The following CAP2 variants were observed in gnomAD, a reference collection of about 807,000 sequenced individuals.
The protein encoded by CAP2 is adenylyl cyclase-associated protein 2.
A neutral mutation model predicts 57.7 loss-of-function variants in CAP2; 24 were observed. The ratio of observed to expected loss-of-function variants is 0.42; its 90% CI spans 0.30 to 0.58. The LOEUF (loss-of-function observed/expected upper bound fraction) is 0.58, where lower values mean the gene tolerates loss of function less well. CAP2 is among the 20% of genes least tolerant of loss of function. CAP2 has a pLI of 0.22. For synonymous variants in CAP2, 194 were observed against 207.2 expected, an observed-to-expected ratio of 0.94 and a Z score of 0.55; for missense variants, 501 against 590.3, an observed-to-expected ratio of 0.85 and a Z score of 1.57.
At chr6:17,522,773 G>C (rs1355711381) in intron 7 of CAP2, among the ~76,000 whole-genome samples, 1 of 152,196 alleles carries the variant, frequency 6.6e-6, no homozygotes, top group Non-Finnish European at 1.5e-5. Flanking sequence ...GTTTGAAGTT[G>C]TTTCCTTTGC....
chr6:17,487,381 C>T (rs1370596492), intron 4 of CAP2, among the ~76,000 whole-genome samples: 1 of 152,058 alleles, frequency 6.6e-6, no homozygotes, highest in Non-Finnish European at 1.5e-5. Context: ...TGCATTAAAT[C>T]CTCTCAGAGC....
At chr6:17,519,241 C>T (rs1013171405) in intron 7 of CAP2, among the ~76,000 whole-genome samples, 2 of 152,002 alleles carry the variant, frequency 1.3e-5, no homozygotes, top group East Asian at 1.9e-4. Flanking sequence ...GCCTCCAGAC[C>T]GCAGCTGTGT....
At chr6:17,485,633 G>A (rs2113628248) in intron 4 of CAP2, among the ~76,000 whole-genome samples, 1 of 152,324 alleles carries the variant, frequency 6.6e-6, no homozygotes, top group Non-Finnish European at 1.5e-5. Flanking sequence ...GATAACTACA[G>A]GGGTTAGTAA....
intron 1 of CAP2, among the ~76,000 whole-genome samples, chr6:17,406,301 G>C (rs1476749110): frequency 6.6e-6 from 1 of 151,882 alleles, no homozygotes; most frequent in Non-Finnish European, 1.5e-5. Flanking sequence ...CCTCAGGACA[G>C]AGTAGCGAGA....
intron 1 of CAP2, among the ~76,000 whole-genome samples, chr6:17,420,958 G>T (rs146735814): frequency 4.0e-5 from 6 of 151,090 alleles, no homozygotes; most frequent in African/African-American, 9.9e-5. Context: ...AGCACAATTC[G>T]CAATAGCAAA....
At chr6:17,547,318 A>G (rs1055680131) in intron 11 of CAP2, among the ~76,000 whole-genome samples, 1 of 152,220 alleles carries the variant, frequency 6.6e-6, no homozygotes, top group Non-Finnish European at 1.5e-5. Flanking sequence ...AGATATATCT[A>G]TATCTGATAA....
chr6:17,484,006 GC>G (rs1761360209), intron 4 of CAP2, among the ~76,000 whole-genome samples: 1 of 151,948 alleles, frequency 6.6e-6, no homozygotes, highest in Non-Finnish European at 1.5e-5. Context: ...GTCCCAGAGA[GC>G]AGAGTGGCAA....
At chr6:17,484,373 C>T (rs1761370744) in intron 4 of CAP2, among the ~76,000 whole-genome samples, 1 of 152,184 alleles carries the variant, frequency 6.6e-6, no homozygotes. Context: ...TTGGAACCTG[C>T]AGCCTGGCTC....
In CAP2 at chr6:17,553,544, A is replaced by C. The variant is rs148687674; in HGVS notation, c.1350+1940A>C. On this transcript the variant is annotated intron_variant, in intron 12 of 12. Coordinates refer to ENST00000229922, the MANE Select transcript of CAP2 (RefSeq NM_006366.3). ...GCTACTCAGGAGGCTGAAGAAGGAG[A>C]GTCACTTGAACCTGGGAGGCAGAGG... Among the ~76,000 whole-genome samples, 25 of 151,556 alleles carry C rather than the reference A, an allele frequency of 1.6e-4. No homozygotes were observed. The East Asian group carries it at 4.7e-3, about 28-fold the overall frequency.
chr6:17,534,797 A>G (rs1453413945), intron 7 of CAP2, among the ~76,000 whole-genome samples: 1 of 152,144 alleles, frequency 6.6e-6, no homozygotes, highest in East Asian at 1.9e-4. Context: ...ATGAGAGTCT[A>G]ACTTTAAAAT....
intron 3 of CAP2, among the ~76,000 whole-genome samples, chr6:17,460,656 A>G (rs1214653681): frequency 1.3e-5 from 2 of 152,180 alleles, no homozygotes; most frequent in Admixed American, 1.3e-4. Context: ...TAACCTTAGA[A>G]TGATCTTTTA....
chr6:17,531,754 G>C, intron 7 of CAP2: 2 of 589,598 alleles, frequency 3.4e-6, no homozygotes, highest in Non-Finnish European at 6.0e-6. Flanking sequence ...TTCCCCCCAT[G>C]CTTAAAGCCC....
At chr6:17,479,069 C>T (rs1041139821) in intron 4 of CAP2, among the ~76,000 whole-genome samples, 1 of 152,220 alleles carries the variant, frequency 6.6e-6, no homozygotes, top group Admixed American at 6.5e-5. Flanking sequence ...CAGTTTCATC[C>T]GTTCCCATGG....
At chr6:17,405,672 T>G (rs1758944140) in intron 1 of CAP2, among the ~76,000 whole-genome samples, 1 of 152,194 alleles carries the variant, frequency 6.6e-6, no homozygotes, top group South Asian at 2.1e-4. Flanking sequence ...AGTTTGGAAG[T>G]TTTTGGTCAT....
intron 11 of CAP2, among the ~76,000 whole-genome samples, chr6:17,543,698 C>G (rs962897724): frequency 1.3e-5 from 2 of 151,930 alleles, no homozygotes; most frequent in African/African-American, 2.4e-5. Context: ...TTCTTGTTCC[C>G]TCTGGACACA....
intron 11 of CAP2, among the ~76,000 whole-genome samples, chr6:17,547,630 C>A (rs142085785): frequency 0.055 from 8,411 of 151,712 alleles, 336 homozygotes; most frequent in Non-Finnish European, 0.077. Context: ...TCACGAGGTC[C>A]GGAGATTGAG....
At chr6:17,421,419 T>A in intron 1 of CAP2, 136 bp from the exon 2 acceptor site, 1 of 886,578 alleles carries the variant, frequency 1.1e-6, no homozygotes, top group Non-Finnish European at 1.8e-6. Context: ...ACATACAATT[T>A]CATGGTTAAA....
At chr6:17,418,285 T>C (rs886982945) in intron 1 of CAP2, among the ~76,000 whole-genome samples, 1 of 152,196 alleles carries the variant, frequency 6.6e-6, no homozygotes, top group East Asian at 1.9e-4. Flanking sequence ...TTAGAAACTG[T>C]TCTGAAAGTT....
At chr6:17,509,776 C>A (rs553185224) in intron 6 of CAP2, among the ~76,000 whole-genome samples, 1 of 151,978 alleles carries the variant, frequency 6.6e-6, no homozygotes, top group African/African-American at 2.4e-5. Context: ...ATATTCATTG[C>A]AGCATTATTC....
Sources: gnomAD v4.1 joint callset for allele counts (sites outside exome capture counted in the v4.1 genomes callset) on GRCh38, gnomAD v4.1.1 for gene constraint, MANE v1.5 for transcripts, NCBI Gene and HGNC (gene_info 2026-07-23, HGNC 2026-07-21) for gene names.